The following GALNT13 variants were observed in gnomAD, a reference collection of about 807,000 sequenced individuals.
GALNT13 encodes UDP-GalNAc:polypeptide N-acetylgalactosaminyltransferase 13.
GALNT13 carries 28 observed loss-of-function variants against 64.2 expected under a neutral mutation model. The observed-to-expected ratio is 0.44, with a 90% CI of 0.32 to 0.60. GALNT13 has a LOEUF of 0.60. Ranked by LOEUF, GALNT13 falls within the 20% of genes least tolerant of loss-of-function variation. GALNT13 has a pLI of 0.05. For synonymous variants in GALNT13, 214 were observed against 224.6 expected, an observed-to-expected ratio of 0.95 and a Z score of 0.42; for missense variants, 577 against 669.8, an observed-to-expected ratio of 0.86 and a Z score of 1.53.
chr2:153,124,724 A>G, the GALNT13 span, among the ~76,000 whole-genome samples: 1 of 152,024 alleles, frequency 6.6e-6, no homozygotes, highest in Non-Finnish European at 1.5e-5. Flanking sequence ...AGATGGTCTC[A>G]ATCTCTTGAC....
Position 154,426,328 on chromosome 2 carries a change from C to A in GALNT13, c.1396-12264C>A, listed in dbSNP as rs115936727. 9.7e-3 allele frequency among the ~76,000 whole-genome samples: 1,474 copies of A among 152,256 alleles called. 26 individuals carry two copies. Among genetic ancestry groups the A allele is most frequent in the African/African-American group, 0.033 (1,384 of 41,574 alleles). On this transcript the variant is annotated intron_variant, in intron 11 of 12. Coordinates refer to ENST00000392825, the MANE Select transcript of GALNT13 (RefSeq NM_052917.4). ...TTCATCTTCAGGCCAGCAGGAGAGT[C>A]CCTCTCTTCAGTGCTAACCCAAGGT... is the stretch of plus-strand genomic sequence containing the variant.
the GALNT13 span, among the ~76,000 whole-genome samples, chr2:153,662,639 C>G: frequency 6.6e-6 from 1 of 152,300 alleles, no homozygotes; most frequent in African/African-American, 2.4e-5. Context: ...AAATCCACTA[C>G]AGTGAATGAC....
chr2:154,356,483 G>GAAA lies in GALNT13; in HGVS notation c.1157-39508_1157-39507insAAA, dbSNP rs879325667. ...ATGAGAAATTATTTTGAAAAAAATTGTATAGGGTGGATGTCACAGAGTATT... is the reference window on the plus strand; with the variant it reads ...ATGAGAAATTATTTTGAAAAAAATTGAAATATAGGGTGGATGTCACAGAGTATT... On this transcript the variant is annotated intron_variant, in intron 9 of 12. Transcript: ENST00000392825. 4.3e-3 allele frequency among the ~76,000 whole-genome samples: 652 copies of GAAA among 152,024 alleles called. 3 individuals are homozygous for GAAA. Among genetic ancestry groups the GAAA allele is most frequent in the African/African-American group, 0.015 (612 of 41,496 alleles).
chr2:153,427,054 A>G, the GALNT13 span, among the ~76,000 whole-genome samples: 1 of 152,064 alleles, frequency 6.6e-6, no homozygotes, highest in East Asian at 1.9e-4. Flanking sequence ...AAAAATTAAA[A>G]TGTATTTTCC....
At chr2:154,402,321 A>G (rs923632155) in intron 10 of GALNT13, among the ~76,000 whole-genome samples, 1 of 152,166 alleles carries the variant, frequency 6.6e-6, no homozygotes, top group Non-Finnish European at 1.5e-5. Flanking sequence ...CAGCAGAGGG[A>G]GCAAAAGCTA....
chr2:154,351,192 C>T (rs1226740614), intron 9 of GALNT13, among the ~76,000 whole-genome samples: 2 of 151,926 alleles, frequency 1.3e-5, no homozygotes, highest in Non-Finnish European at 2.9e-5. Flanking sequence ...GTGATTCAGT[C>T]AAAGCTTTAA....
At chr2:153,141,838 A>T in the GALNT13 span, among the ~76,000 whole-genome samples, 7 of 152,042 alleles carry the variant, frequency 4.6e-5, no homozygotes, top group Admixed American at 4.6e-4. Flanking sequence ...GAACAACCTA[A>T]GAGTAAGGTA....
chr2:153,866,823 TATC>T, the GALNT13 span, among the ~76,000 whole-genome samples: 4 of 152,188 alleles, frequency 2.6e-5, no homozygotes, highest in Admixed American at 1.3e-4. Context: ...GTAATAGGTT[TATC>T]ATCATAAATG....
At chr2:154,053,314 A>C (rs941134389) in intron 3 of GALNT13, among the ~76,000 whole-genome samples, 5 of 152,180 alleles carry the variant, frequency 3.3e-5, no homozygotes, top group African/African-American at 1.2e-4. Flanking sequence ...AATATGGTAC[A>C]TGGCGATAGC....
At chr2:153,422,733 A>G in the GALNT13 span, among the ~76,000 whole-genome samples, 5 of 152,146 alleles carry the variant, frequency 3.3e-5, no homozygotes, top group African/African-American at 9.6e-5. Context: ...TTTTTAAGAA[A>G]AAAATACACT....
the GALNT13 span, among the ~76,000 whole-genome samples, chr2:153,271,423 T>G: frequency 2.0e-5 from 3 of 152,112 alleles, no homozygotes; most frequent in South Asian, 4.1e-4. Flanking sequence ...TCAGCAAAGT[T>G]TCAGGATACA....
At chr2:153,926,086 T>G (rs1690115351) in intron 2 of GALNT13, among the ~76,000 whole-genome samples, 1 of 151,938 alleles carries the variant, frequency 6.6e-6, no homozygotes, top group Non-Finnish European at 1.5e-5. Flanking sequence ...TTTCAAATTG[T>G]GGTACACTAT....
At chr2:153,518,449 A>G in the GALNT13 span, among the ~76,000 whole-genome samples, 8 of 152,186 alleles carry the variant, frequency 5.3e-5, no homozygotes, top group Admixed American at 3.9e-4. Flanking sequence ...AAACAGAAGA[A>G]AAATCCTGTT....
At chr2:154,416,929 C>G (rs1407174513) in intron 11 of GALNT13, among the ~76,000 whole-genome samples, 1 of 152,176 alleles carries the variant, frequency 6.6e-6, no homozygotes, top group East Asian at 1.9e-4. Flanking sequence ...GTTTCAAACT[C>G]AGTGTGTCTA....
At chr2:153,993,042 A>G (rs1695265029) in intron 3 of GALNT13, among the ~76,000 whole-genome samples, 1 of 152,182 alleles carries the variant, frequency 6.6e-6, no homozygotes. Context: ...TTTGATTAGG[A>G]AAGGTTAGTT....
chr2:153,677,215 C>T, the GALNT13 span, among the ~76,000 whole-genome samples: 1 of 151,140 alleles, frequency 6.6e-6, no homozygotes, highest in Non-Finnish European at 1.5e-5. Context: ...AAATAGGTAG[C>T]ATTTCTACAT....
At chr2:154,297,779 G>A (rs1484466070) in intron 8 of GALNT13, among the ~76,000 whole-genome samples, 1 of 152,034 alleles carries the variant, frequency 6.6e-6, no homozygotes, top group African/African-American at 2.4e-5. Flanking sequence ...ATAAGTCAAT[G>A]ATATGTTCTA....
At chr2:153,783,799 A>G in the GALNT13 span, among the ~76,000 whole-genome samples, 4 of 152,142 alleles carry the variant, frequency 2.6e-5, no homozygotes, top group African/African-American at 7.2e-5. Flanking sequence ...TGCTGCCACT[A>G]TGTGAAGAAG....
chr2:153,844,673 G>A, the GALNT13 span, among the ~76,000 whole-genome samples: 1 of 152,182 alleles, frequency 6.6e-6, no homozygotes, highest in Admixed American at 6.5e-5. Context: ...TGGCTAGGCT[G>A]CAACTTTTCC....
Sources: gnomAD v4.1 joint callset for allele counts (sites outside exome capture counted in the v4.1 genomes callset) on GRCh38, gnomAD v4.1.1 for gene constraint, MANE v1.5 for transcripts, NCBI Gene and HGNC (gene_info 2026-07-23, HGNC 2026-07-21) for gene names.